The following ST6GALNAC5 variants were observed in gnomAD, a reference collection of about 807,000 sequenced individuals.
ST6GALNAC5 encodes alpha-N-acetylgalactosaminide alpha-2,6-sialyltransferase 5.
A neutral mutation model predicts 33.6 loss-of-function variants in ST6GALNAC5; 27 were observed. The ratio of observed to expected loss-of-function variants is 0.80; its 90% CI spans 0.59 to 1.11. The LOEUF (loss-of-function observed/expected upper bound fraction) is 1.11, where lower values mean the gene tolerates loss of function less well. Ranked by LOEUF, ST6GALNAC5 falls within the 50% of genes least tolerant of loss-of-function variation. The pLI is 0.00. For synonymous variants in ST6GALNAC5, 194 were observed against 171.2 expected (o/e 1.13, Z -1.04); for missense variants, 428 against 454.0 (o/e 0.94, Z 0.52).
intron 2 of ST6GALNAC5, among the ~76,000 whole-genome samples, chr1:76,939,690 T>C (rs1286107606): frequency 6.6e-6 from 1 of 152,124 alleles, no homozygotes; most frequent in Non-Finnish European, 1.5e-5. Context: ...GCATAGTGGT[T>C]AAGACTGAGG....
rs948816896 is a variant in ST6GALNAC5 at position 76,892,220 on chromosome 1, T to C, written c.261+23478T>C. On this transcript the variant is annotated intron_variant, in intron 2 of 4. Transcript: ENST00000477717. ...CATAAAAGTACTCTCGTGAGAGTGT[T>C]ACTATGGACAGAAAAAAAGACTATA... Among the ~76,000 whole-genome samples, 3 of 152,218 alleles carry C rather than the reference T, an allele frequency of 2.0e-5. No individual in the cohort carries two copies. The South Asian group carries it at 6.2e-4, about 31-fold the overall frequency.
intron 2 of ST6GALNAC5, among the ~76,000 whole-genome samples, chr1:76,956,609 A>G (rs1391957287): frequency 6.6e-6 from 1 of 151,976 alleles, no homozygotes; most frequent in Non-Finnish European, 1.5e-5. Context: ...CTTTGTTCCT[A>G]TTTTGACTTG....
chr1:77,003,343 G>A (rs1432320323), intron 2 of ST6GALNAC5, among the ~76,000 whole-genome samples: 1 of 143,936 alleles, frequency 6.9e-6, no homozygotes, highest in African/African-American at 2.5e-5. Flanking sequence ...CCTTTGGCTT[G>A]GTAGATCTTC....
At chr1:77,056,554 G>A (rs965526620) in intron 4 of ST6GALNAC5, among the ~76,000 whole-genome samples, 2 of 152,216 alleles carry the variant, frequency 1.3e-5, no homozygotes, top group Middle Eastern at 3.2e-3. Context: ...ATATCAGAGA[G>A]TTGATGCTGC....
rs1279973719 is a variant in ST6GALNAC5 at position 77,066,126 on chromosome 1, G to A, written c.*2920G>A. 3.3e-5 allele frequency among the ~76,000 whole-genome samples: 5 copies of A among 152,098 alleles called. No individual in the cohort carries two copies. Among genetic ancestry groups the A allele is most frequent in the Non-Finnish European group, 5.9e-5 (4 of 68,024 alleles). ...ACTTAGCTGTGTGATTTCCATTACC[G>A]TTAATGGGCATTTGGCAACTAAGTC... is the stretch of plus-strand genomic sequence containing the variant. On this transcript the variant is annotated 3_prime_UTR_variant, in exon 5 of 5. Coordinates refer to ENST00000477717, the MANE Select transcript of ST6GALNAC5 (RefSeq NM_030965.3).
chr1:77,022,191 C>T (rs1034270761), intron 2 of ST6GALNAC5, among the ~76,000 whole-genome samples: 7 of 152,078 alleles, frequency 4.6e-5, no homozygotes, highest in Admixed American at 6.5e-5. Context: ...AAGGAGGTTG[C>T]GAACACCTCT....
Position 77,055,958 on chromosome 1 carries a change from G to A in ST6GALNAC5, c.779+5593G>A, listed in dbSNP as rs12143081. On this transcript the variant is annotated intron_variant, in intron 4 of 4. Transcript: ENST00000477717. ...AAACGTTATTATTGCAAGACCAAAA[G>A]TGCCAGGCACATTAAAACTATAACT... Among the ~76,000 whole-genome samples, 451 of 152,340 alleles carry A rather than the reference G, an allele frequency of 3.0e-3. 2 individuals are homozygous for A. The highest frequency in any genetic ancestry group is 0.01 in the Middle Eastern group (3 of 294).
rs1374803117 is a variant in ST6GALNAC5 at position 76,868,274 on chromosome 1, T to A, written c.16-223T>A. Among the ~76,000 whole-genome samples the A allele has an allele frequency of 1.3e-5, 2 of 151,680 alleles. No individual in the cohort carries two copies. The highest frequency in any genetic ancestry group is 2.9e-5 in the Non-Finnish European group (2 of 67,926). ...ACACCACCTGCCCTCTACCGAGAGA[T>A]CTGGGCGGCGGCGGCCGAAAGCAGC... On this transcript the variant is annotated intron_variant, in intron 1 of 4. Transcript: ENST00000477717. This position sits in a 1 kb window ranked among gnomAD's most constrained non-coding sequence, Gnocchi z 4.3.
chr1:77,008,532 C>A (rs1650510135), intron 2 of ST6GALNAC5, among the ~76,000 whole-genome samples: 1 of 151,938 alleles, frequency 6.6e-6, no homozygotes, highest in South Asian at 2.1e-4. Flanking sequence ...AGGCTGTTAT[C>A]TTTTTTTTAT....
At chr1:77,045,221 T>C (rs1202965379) in intron 3 of ST6GALNAC5, among the ~76,000 whole-genome samples, 1 of 152,220 alleles carries the variant, frequency 6.6e-6, no homozygotes, top group Non-Finnish European at 1.5e-5. Flanking sequence ...GAAATCAATG[T>C]AGTGAGGCAC....
rs921105602 is a variant in ST6GALNAC5 at position 76,962,739 on chromosome 1, G to T, written c.262-81465G>T. Among the ~76,000 whole-genome samples the T allele has an allele frequency of 2.0e-5, 3 of 152,174 alleles. No homozygotes were observed. The South Asian group carries it at 6.2e-4, about 31-fold the overall frequency. ...AGAAGGAATCTAACAAAGAGATGGT[G>T]TTAATTTGGATCTTTTAAACCAAAA... is the stretch of plus-strand genomic sequence containing the variant. On this transcript the variant is annotated intron_variant, in intron 2 of 4. Coordinates refer to ENST00000477717, the MANE Select transcript of ST6GALNAC5 (RefSeq NM_030965.3).
At chr1:76,973,653 TC>T (rs530715640) in intron 2 of ST6GALNAC5, among the ~76,000 whole-genome samples, 91 of 152,204 alleles carry the variant, frequency 6.0e-4, no homozygotes, top group African/African-American at 2.2e-3. Flanking sequence ...AATTTTTGTG[TC>T]ATTTTTGGAA....
intron 2 of ST6GALNAC5, among the ~76,000 whole-genome samples, chr1:76,964,527 T>C (rs1335509565): frequency 6.6e-6 from 1 of 152,174 alleles, no homozygotes; most frequent in Admixed American, 6.6e-5. Flanking sequence ...TTGCTTGATA[T>C]TTTTTCATAA....
At chr1:76,972,887 C>CT (rs907708050) in intron 2 of ST6GALNAC5, among the ~76,000 whole-genome samples, 5 of 151,406 alleles carry the variant, frequency 3.3e-5, no homozygotes, top group Non-Finnish European at 4.4e-5. Context: ...TTCTGTGTAA[C>CT]TTTTTTTTTG....
chr1:76,983,725 G>A (rs1102448), intron 2 of ST6GALNAC5, among the ~76,000 whole-genome samples: 145,571 of 152,320 alleles, frequency 0.96, 69,588 homozygotes, highest in East Asian at 1. Context: ...TCAGCACCAC[G>A]TCGCACTTAT....
chr1:76,948,587 C>CAGAGAG (rs60959607), intron 2 of ST6GALNAC5, among the ~76,000 whole-genome samples: 13,874 of 129,366 alleles, frequency 0.11, 996 homozygotes, highest in Non-Finnish European at 0.12. Context: ...GGAGTGGGGA[C>CAGAGAG]AGAGAGAGAG....
At chr1:77,015,952 C>A (rs1160444468) in intron 2 of ST6GALNAC5, among the ~76,000 whole-genome samples, 1 of 151,914 alleles carries the variant, frequency 6.6e-6, no homozygotes, top group Non-Finnish European at 1.5e-5. Context: ...CTCCTCAGAG[C>A]CAGGCCTCTG....
At chr1:76,926,868 C>T (rs1053595667) in intron 2 of ST6GALNAC5, among the ~76,000 whole-genome samples, 4 of 151,980 alleles carry the variant, frequency 2.6e-5, no homozygotes, top group African/African-American at 7.2e-5. Context: ...GAAATATTAA[C>T]CTCATTTGTT....
In ST6GALNAC5 at chr1:76,924,165, A is replaced by G. The variant is rs187445828; in HGVS notation, c.261+55423A>G. 2.6e-5 allele frequency among the ~76,000 whole-genome samples: 4 copies of G among 152,204 alleles called. No individual in the cohort carries two copies. The East Asian group carries it at 5.8e-4, about 22-fold the overall frequency. ...CTCCAGATAAAGAAGTAATATTTCT[A>G]TCTACAAAGCCCACAAACCAGATTC... On this transcript the variant is annotated intron_variant, in intron 2 of 4. Coordinates refer to ENST00000477717, the MANE Select transcript of ST6GALNAC5 (RefSeq NM_030965.3).
Sources: gnomAD v4.1 joint callset for allele counts (sites outside exome capture counted in the v4.1 genomes callset) on GRCh38, gnomAD v4.1.1 for gene constraint, Gnocchi (gnomAD v3.1) non-coding constraint, MANE v1.5 for transcripts, NCBI Gene and HGNC (gene_info 2026-07-23, HGNC 2026-07-21) for gene names.